The following ST6GAL1 variants were observed in gnomAD, a reference collection of about 807,000 sequenced individuals.
ST6GAL1 encodes ST6 beta-galactoside alpha-2,6-sialyltransferase 1, also known as beta-galactoside alpha-2,6-sialyltransferase 1.
Under a neutral mutation model 38.0 loss-of-function variants are expected in ST6GAL1, and 20 were observed. The observed-to-expected ratio is 0.53, with a 90% CI of 0.37 to 0.77. The LOEUF (loss-of-function observed/expected upper bound fraction) is 0.77. Ranked by LOEUF, ST6GAL1 falls within the 30% of genes least tolerant of loss-of-function variation. ST6GAL1 has a pLI of 0.00. For missense variants in ST6GAL1, 432 were observed against 496.4 expected (o/e 0.87, Z 1.23); for synonymous variants, 196 against 188.2 (o/e 1.04, Z -0.34).
intron 2 of ST6GAL1, among the ~76,000 whole-genome samples, chr3:187,014,019 C>T (rs1037966496): frequency 6.6e-6 from 1 of 152,226 alleles, no homozygotes; most frequent in East Asian, 1.9e-4. Context: ...GCGGTCAAGC[C>T]GGGCCTCAGC....
chr3:187,034,317 A>G (rs1219998157), intron 2 of ST6GAL1, among the ~76,000 whole-genome samples: 2 of 152,176 alleles, frequency 1.3e-5, no homozygotes, highest in Non-Finnish European at 2.9e-5. Flanking sequence ...GCCAAATTCT[A>G]TCAGACATAC....
intron 2 of ST6GAL1, among the ~76,000 whole-genome samples, chr3:186,998,757 A>G (rs1716505925): frequency 6.6e-6 from 1 of 152,206 alleles, no homozygotes; most frequent in African/African-American, 2.4e-5. Context: ...CTTTTTCCAT[A>G]AGAAATCTTC....
chr3:186,965,865 G>A (rs1715095071), intron 2 of ST6GAL1, among the ~76,000 whole-genome samples: 1 of 152,160 alleles, frequency 6.6e-6, no homozygotes, highest in African/African-American at 2.4e-5. Context: ...GCCATCAGAG[G>A]CCTGGTTTTC....
At chr3:186,984,857 TTCCTTCCTTCCG>T (rs1395879332) in intron 2 of ST6GAL1, among the ~76,000 whole-genome samples, 4 of 128,180 alleles carry the variant, frequency 3.1e-5, no homozygotes, top group African/African-American at 8.9e-5. Flanking sequence ...CCTTCCTTCC[TTCCTTCCTTCCG>T]TCCTTCCTTC....
Position 186,987,200 on chromosome 3 carries a change from G to GGA in ST6GAL1, c.-183+23274_-183+23275insGA, listed in dbSNP as rs1715969499. Among the ~76,000 whole-genome samples, 9 of 138,776 alleles carry GGA rather than the reference G, an allele frequency of 6.5e-5. No individual in the cohort carries two copies. The East Asian group carries it at 6.7e-4, about 10-fold the overall frequency. 91.0% of individuals were successfully genotyped at this position (138,776 alleles called of 152,430 possible). ...AGAGACAGGGAGGGAGGGAGGGAGG[G>GGA]AAGGAAAGAAAAGGAAAGAAAGCAA... On this transcript the variant is annotated intron_variant, in intron 2 of 7. Transcript: ENST00000169298.
At chr3:187,000,308 G>T (rs2108552210) in intron 2 of ST6GAL1, among the ~76,000 whole-genome samples, 1 of 152,054 alleles carries the variant, frequency 6.6e-6, no homozygotes, top group South Asian at 2.1e-4. Flanking sequence ...TCAGCACTTT[G>T]GGAGGCTGAG....
intron 5 of ST6GAL1, among the ~76,000 whole-genome samples, chr3:187,059,838 T>G (rs577883492): frequency 2.6e-5 from 4 of 152,308 alleles, no homozygotes; most frequent in African/African-American, 9.6e-5. Context: ...TCAAATAGTT[T>G]TACAAATAAA....
chr3:187,058,786 C>T (rs1195510698), intron 5 of ST6GAL1, among the ~76,000 whole-genome samples: 2 of 152,098 alleles, frequency 1.3e-5, no homozygotes, highest in South Asian at 2.1e-4. Context: ...GGATTACAGG[C>T]ATGCACCACC....
chr3:187,033,443 C>T (rs935462488), intron 2 of ST6GAL1, among the ~76,000 whole-genome samples: 1 of 152,136 alleles, frequency 6.6e-6, no homozygotes, highest in African/African-American at 2.4e-5. Context: ...GGAATTCAAA[C>T]TGATAAGAAT....
At chr3:186,995,932 A>C (rs1360190037) in intron 2 of ST6GAL1, among the ~76,000 whole-genome samples, 1 of 152,142 alleles carries the variant, frequency 6.6e-6, no homozygotes, top group East Asian at 1.9e-4. Flanking sequence ...TCTTTGGGTG[A>C]GGTGTGTGGC....
intron 2 of ST6GAL1, among the ~76,000 whole-genome samples, chr3:186,967,340 T>C (rs140507107): frequency 9.0e-4 from 134 of 149,360 alleles, no homozygotes; most frequent in East Asian, 7.0e-3. Context: ...TACAGGCGCC[T>C]GCCACCACAC....
chr3:186,935,193 G>C lies in ST6GAL1; in HGVS notation c.-325+4359G>C, dbSNP rs138324780. On this transcript the variant is annotated intron_variant, in intron 1 of 7. Transcript: ENST00000169298. ...CTTCAAGAAGGCCCTGGTGTCTGTC[G>C]TTTCCCCTCTTTGTGTCCACGTGTT... is the stretch of plus-strand genomic sequence containing the variant. Among the ~76,000 whole-genome samples the C allele has an allele frequency of 2.7e-4, 41 of 151,948 alleles. 2 individuals are homozygous for C. The East Asian group carries it at 7.5e-3, about 28-fold the overall frequency.
At chr3:187,039,186 G>T (rs1267060190) in intron 3 of ST6GAL1, among the ~76,000 whole-genome samples, 1 of 152,158 alleles carries the variant, frequency 6.6e-6, no homozygotes, top group Non-Finnish European at 1.5e-5. Context: ...ATGACGGGTG[G>T]GTCGGGACAG....
intron 1 of ST6GAL1, among the ~76,000 whole-genome samples, chr3:186,956,738 C>T (rs1352647506): frequency 2.0e-5 from 3 of 152,170 alleles, no homozygotes; most frequent in Admixed American, 1.3e-4. Context: ...ATCACCCTCC[C>T]GTAAGATCCA....
chr3:187,007,776 T>C (rs1412551296), intron 2 of ST6GAL1, among the ~76,000 whole-genome samples: 1 of 152,210 alleles, frequency 6.6e-6, no homozygotes. Flanking sequence ...ATGACCATTC[T>C]CCACTCTTGA....
chr3:187,030,200 G>T (rs760288325), intron 2 of ST6GAL1, among the ~76,000 whole-genome samples: 51 of 152,184 alleles, frequency 3.4e-4, no homozygotes, highest in Non-Finnish European at 6.2e-4. Context: ...TTGGGTGGGG[G>T]AGAAGATGGC....
At chr3:187,045,760 T>C (rs1718272230) in intron 4 of ST6GAL1, among the ~76,000 whole-genome samples, 1 of 152,242 alleles carries the variant, frequency 6.6e-6, no homozygotes, top group Non-Finnish European at 1.5e-5. Context: ...TGATTATTCT[T>C]TTATTATGTT....
At chr3:187,048,648 C>A (rs1718392342) in intron 4 of ST6GAL1, among the ~76,000 whole-genome samples, 1 of 152,180 alleles carries the variant, frequency 6.6e-6, no homozygotes, top group African/African-American at 2.4e-5. Context: ...TCTCTGAGGG[C>A]ATGGACCTTG....
At chr3:187,074,485 C>G (rs1187720843) in intron 7 of ST6GAL1, 152 bp downstream of exon 7, 32 of 812,740 alleles carry the variant, frequency 3.9e-5, no homozygotes, top group Non-Finnish European at 5.2e-5. Context: ...CAAGTTCTAT[C>G]TAAAATACAG....
Sources: gnomAD v4.1 joint callset for allele counts (sites outside exome capture counted in the v4.1 genomes callset) on GRCh38, gnomAD v4.1.1 for gene constraint, MANE v1.5 for transcripts, NCBI Gene and HGNC (gene_info 2026-07-23, HGNC 2026-07-21) for gene names.